DENND3: variants seen among roughly 807,000 people sequenced by gnomAD.
The protein encoded by DENND3 is DENN domain-containing protein 3.
DENND3 carries 88 observed loss-of-function variants against 135.1 expected under a neutral mutation model. The observed-to-expected ratio is 0.65, with a 90% CI of 0.55 to 0.78. The LOEUF is 0.78. DENND3 is among the 30% of genes least tolerant of loss of function. The probability of loss-of-function intolerance (pLI) is 0.00; values close to 1 mark genes in which losing one functional copy is unlikely to be tolerated. For synonymous variants in DENND3, 693 were observed against 712.3 expected, an observed-to-expected ratio of 0.97 and a Z score of 0.43; for missense variants, 1,392 against 1,688.4, an observed-to-expected ratio of 0.82 and a Z score of 3.08.
intron 8 of DENND3, chr8:141,158,388 A>G: frequency 8.7e-7 from 1 of 1,143,730 alleles, no homozygotes; most frequent in South Asian, 1.7e-5. Flanking sequence ...CCAGGAAGGT[A>G]GGATTCTGCC....
At chr8:141,161,043 C>T (rs868126021) in intron 9 of DENND3, among the ~76,000 whole-genome samples, 7 of 143,688 alleles carry the variant, frequency 4.9e-5, no homozygotes, top group Non-Finnish European at 9.1e-5. Context: ...TTCCTAACAG[C>T]TTCTCCTGCT....
chr8:141,164,816 C>T (rs188948612), intron 10 of DENND3, among the ~76,000 whole-genome samples: 1 of 152,342 alleles, frequency 6.6e-6, no homozygotes, highest in East Asian at 1.9e-4. Flanking sequence ...GCCTGCCTCT[C>T]GTCCAGCATC....
Position 141,192,820 on chromosome 8 carries a change from A to C in DENND3, c.3636+157A>C, listed in dbSNP as rs762447295. The C allele has an allele frequency of 2.1e-5, 33 of 1,558,204 alleles. No individual in the cohort carries two copies. The South Asian group carries it at 3.5e-4, about 16-fold the overall frequency. ...AACAGGCACGTGCAGGGTTGGTGCC[A>C]ACGGGCCCACAGGTCACCATGTGCT... On this transcript the variant is annotated intron_variant, in intron 22 of 22. Coordinates refer to ENST00000519811, the MANE Select transcript of DENND3 (RefSeq NM_001352890.3).
Position 141,175,550 on chromosome 8 carries a change from C to T in DENND3, c.2535+91C>T. 2 of 1,596,878 alleles carry T rather than the reference C, an allele frequency of 1.3e-6. No homozygotes were observed. Among genetic ancestry groups the T allele is most frequent in the Non-Finnish European group, 1.7e-6 (2 of 1,169,932 alleles). On this transcript the variant is annotated intron_variant, in intron 14 of 22. Coordinates refer to ENST00000519811, the MANE Select transcript of DENND3 (RefSeq NM_001352890.3). This position sits in a 1 kb window ranked among gnomAD's most constrained non-coding sequence, Gnocchi z 5.4. ...GGCCCTGAGCAGTCTGCCAGCCATG[C>T]CAAGTACCAGCTGCAGCCCTTCTGC...
At chr8:141,171,104 G>C (rs577540194) in intron 13 of DENND3, among the ~76,000 whole-genome samples, 1 of 152,252 alleles carries the variant, frequency 6.6e-6, no homozygotes, top group East Asian at 1.9e-4. Context: ...TTACGTTGCC[G>C]ATTAGGTTAG....
At position 141,185,104 on chromosome 8, in the gene DENND3, T is replaced by C. The variant is rs542651742; in HGVS notation, c.2945-35T>C. On this transcript the variant is annotated intron_variant, in intron 17 of 22. Transcript: ENST00000519811. ...CACCTGCTGCTACAGCAGAAGTGTT[T>C]CCTCCTAACAGTTTTGTGCTGCTCT... is the stretch of plus-strand genomic sequence containing the variant. 29 of 1,593,024 alleles carry C rather than the reference T, an allele frequency of 1.8e-5. 1 individual carries two copies. In the East Asian group the frequency reaches 5.2e-4, roughly 28 times the overall value.
At chr8:141,145,820 TATATATATATATATATATATA>T (rs1817973494) in intron 5 of DENND3, among the ~76,000 whole-genome samples, 15 of 36,596 alleles carry the variant, frequency 4.1e-4, no homozygotes, top group African/African-American at 1.6e-3. Flanking sequence ...TATATATATA[TATATATATATATATATATATA>T]TATATATATG....
chr8:141,162,700 C>A (rs1040024631), intron 9 of DENND3, among the ~76,000 whole-genome samples: 7 of 152,024 alleles, frequency 4.6e-5, no homozygotes, highest in African/African-American at 1.7e-4. Flanking sequence ...CTTTGGGAGG[C>A]CGAGGTGGGT....
rs1001608397 is a variant in DENND3 at position 141,138,966 on chromosome 8, C to T, written c.501+829C>T. ...CGACTGGCGTTTAGACTTTACAACACATTACATCTGTCACACATATTGGGA... is the reference window on the plus strand; with the variant it reads ...CGACTGGCGTTTAGACTTTACAACATATTACATCTGTCACACATATTGGGA... On this transcript the variant is annotated intron_variant, in intron 3 of 22. Coordinates refer to ENST00000519811, the MANE Select transcript of DENND3 (RefSeq NM_001352890.3). This position sits in a 1 kb window ranked among gnomAD's most constrained non-coding sequence, Gnocchi z 4.8. 6.6e-6 allele frequency among the ~76,000 whole-genome samples: 1 copy of T among 152,212 alleles called. No individual in the cohort carries two copies.
At position 141,168,090 on chromosome 8, in the gene DENND3, C is replaced by T. The variant is rs2154613194; in HGVS notation, c.1840C>T (p.His614Tyr). The T allele has an allele frequency of 6.2e-7, 1 of 1,614,182 alleles. No individual in the cohort carries two copies. Among genetic ancestry groups the T allele is most frequent in the African/African-American group, 1.3e-5 (1 of 75,062 alleles). ...PLESKCVQAY[H>Y]AHFVSMLSEA... Reference sequence around the variant, plus strand: ...GGAGAGCAAGTGCGTGCAGGCATACCATGCCCACTTTGTCTCCATGCTGAG... The same window carrying T: ...GGAGAGCAAGTGCGTGCAGGCATACTATGCCCACTTTGTCTCCATGCTGAG... Residue 614 changes from histidine to tyrosine, a missense_variant, in exon 13 of 23, where the codon CAT becomes TAT. His to Tyr is a moderately conservative substitution (Grantham distance 83). Coordinates refer to ENST00000519811, the MANE Select transcript of DENND3 (RefSeq NM_001352890.3). This position sits in a 1 kb window ranked among gnomAD's most constrained non-coding sequence, Gnocchi z 6.2.
At position 141,167,206 on chromosome 8, in the gene DENND3, C is replaced by A. The variant is rs1319041352; in HGVS notation, c.1754-798C>A. Among the ~76,000 whole-genome samples the A allele has an allele frequency of 6.6e-6, 1 of 152,168 alleles. No homozygotes were observed. Among genetic ancestry groups the A allele is most frequent in the Non-Finnish European group, 1.5e-5 (1 of 68,024 alleles). ...TCTGGAGGCCACTGTGGGGTCCGAGCCTTCTGCCCCTGGCTGTGTGACCCT... is the reference window on the plus strand; with the variant it reads ...TCTGGAGGCCACTGTGGGGTCCGAGACTTCTGCCCCTGGCTGTGTGACCCT... On this transcript the variant is annotated intron_variant, in intron 12 of 22. Coordinates refer to ENST00000519811, the MANE Select transcript of DENND3 (RefSeq NM_001352890.3). The surrounding 1 kb of genome is among the most constrained non-coding windows in gnomAD (Gnocchi z 4.1).
chr8:141,128,779 C>A lies in DENND3; in HGVS notation c.72C>A (p.Ala24=). The change falls in exon 1 of 23, where the codon GCC becomes GCA. Residue 24 remains alanine (A), a synonymous_variant. Transcript: ENST00000519811. This position sits in a 1 kb window ranked among gnomAD's most constrained non-coding sequence, Gnocchi z 4.5. The part of the protein sequence containing the change: ...GLLELCALLG[A]PRDSLRSLEQ... ...TGGAGCTCTGCGCGCTGCTGGGCGC[C>A]CCCCGGGACAGTCTCCGAAGTCTCG... 1 of 1,462,870 alleles carries A rather than the reference C, an allele frequency of 6.8e-7. No homozygotes were observed. The highest frequency in any genetic ancestry group is 9.0e-7 in the Non-Finnish European group (1 of 1,108,648). The allele number at this position is 1,462,870 out of a possible 1,614,324, so 90.6% of individuals were successfully genotyped here.
chr8:141,143,414 A>G (rs939758662), intron 4 of DENND3, among the ~76,000 whole-genome samples: 1 of 152,018 alleles, frequency 6.6e-6, no homozygotes, highest in Non-Finnish European at 1.5e-5. Context: ...TTCATTTACA[A>G]ATTTTTTTGA....
Position 141,174,158 on chromosome 8 carries a change from A to G in DENND3, c.2276-1042A>G, listed in dbSNP as rs1022797271. The stretch of plus-strand genomic sequence containing the variant: ...CGACCTGTTTGGGAGCATGCTTGGT[A>G]CGGCTGGGCTGTGGGGTGGGTAGGT... On this transcript the variant is annotated intron_variant, in intron 13 of 22. Coordinates refer to ENST00000519811, the MANE Select transcript of DENND3 (RefSeq NM_001352890.3). The surrounding 1 kb of genome is among the most constrained non-coding windows in gnomAD (Gnocchi z 4.6). Among the ~76,000 whole-genome samples, 3 of 152,058 alleles carry G rather than the reference A, an allele frequency of 2.0e-5. No homozygotes were observed. Among genetic ancestry groups the G allele is most frequent in the Non-Finnish European group, 4.4e-5 (3 of 68,002 alleles).
chr8:141,172,985 G>C (rs1433240546), intron 13 of DENND3, among the ~76,000 whole-genome samples: 1 of 152,214 alleles, frequency 6.6e-6, no homozygotes, highest in African/African-American at 2.4e-5. Flanking sequence ...AGAACCCCTG[G>C]GAAGTGTAGG....
intron 1 of DENND3, among the ~76,000 whole-genome samples, chr8:141,131,548 T>C (rs1298849554): frequency 6.6e-6 from 1 of 152,240 alleles, no homozygotes; most frequent in African/African-American, 2.4e-5. Flanking sequence ...GAGCTTGTAG[T>C]GTGGCCAGTG....
chr8:141,175,049 T>C lies in DENND3; in HGVS notation c.2276-151T>C. On this transcript the variant is annotated intron_variant, in intron 13 of 22. Coordinates refer to ENST00000519811, the MANE Select transcript of DENND3 (RefSeq NM_001352890.3). This position sits in a 1 kb window ranked among gnomAD's most constrained non-coding sequence, Gnocchi z 5.4. The stretch of plus-strand genomic sequence containing the variant: ...CTGCAGGGAAGGCCCTGGGAAACCT[T>C]CTAGGCAGTTTCCATCCAGCGCCCT... The C allele has an allele frequency of 1.1e-6, 1 of 872,886 alleles. No homozygotes were observed. Among genetic ancestry groups the C allele is most frequent in the Non-Finnish European group, 1.8e-6 (1 of 563,940 alleles). 54.1% of individuals were successfully genotyped at this position (872,886 alleles called of 1,614,324 possible). A position where few individuals can be genotyped will look rare whatever the true frequency, so the allele number is the denominator to read the frequency against.
At chr8:141,183,348 C>T (rs1056824476) in intron 17 of DENND3, among the ~76,000 whole-genome samples, 7 of 152,176 alleles carry the variant, frequency 4.6e-5, no homozygotes, top group East Asian at 1.9e-4. Flanking sequence ...TGGGCTCTAG[C>T]GATCCTCCGC....
At position 141,192,593 on chromosome 8, in the gene DENND3, C is replaced by G; in HGVS notation, c.3566C>G (p.Ala1189Gly). Residue 1189 changes from alanine to glycine, a missense_variant, in exon 22 of 23, where the codon GCC becomes GGC. Transcript: ENST00000519811. ...TACATCTGGAGCCTGAAGGACCTGG[C>G]CCAGCCCCCGCAGAGGGTGCCCCTC... Reference protein sequence around the residue: ...EVYIWSLKDLAQPPQRVPLED... With the variant: ...EVYIWSLKDLGQPPQRVPLED... 6.3e-7 allele frequency: 1 copy of G among 1,584,618 alleles called. No homozygotes were observed. Among genetic ancestry groups the G allele is most frequent in the Non-Finnish European group, 8.6e-7 (1 of 1,162,492 alleles).
Sources: gnomAD v4.1 joint callset for allele counts (sites outside exome capture counted in the v4.1 genomes callset) on GRCh38, gnomAD v4.1.1 for gene constraint, Gnocchi (gnomAD v3.1) non-coding constraint, MANE v1.5 for transcripts, NCBI Gene and HGNC (gene_info 2026-07-23, HGNC 2026-07-21) for gene names.